Variants in SGCZ observed in about 807,000 individuals in gnomAD.
SGCZ encodes sarcoglycan zeta.
In SGCZ, 40 loss-of-function variants were observed where a neutral mutation model predicts 41.3. The observed-to-expected ratio is 0.97, with a 90% CI of 0.75 to 1.26. The LOEUF (loss-of-function observed/expected upper bound fraction) is 1.26, where lower values mean the gene tolerates loss of function less well. SGCZ is among the 50% of genes most tolerant of loss of function. The pLI, the probability that SGCZ is intolerant of heterozygous loss-of-function variation, is 0.00. For synonymous variants in SGCZ, 206 were observed against 137.5 expected (o/e 1.50, Z -3.49); for missense variants, 552 against 369.8 (o/e 1.49, Z -4.04).
intron 1 of SGCZ, among the ~76,000 whole-genome samples, chr8:14,560,126 T>A (rs1442061844): frequency 1.3e-5 from 2 of 151,958 alleles, no homozygotes; most frequent in Admixed American, 6.6e-5. Flanking sequence ...AAGGGATGAG[T>A]TCTAGCATTT....
At chr8:15,107,059 C>G (rs576690943) in intron 1 of SGCZ, among the ~76,000 whole-genome samples, 18 of 152,282 alleles carry the variant, frequency 1.2e-4, no homozygotes, top group African/African-American at 4.3e-4. Context: ...AGCCCCTCTT[C>G]ATTATATAAT....
chr8:14,198,216 ATCTCCATGCTG>A (rs1160815330), intron 4 of SGCZ, among the ~76,000 whole-genome samples: 1 of 152,178 alleles, frequency 6.6e-6, no homozygotes, highest in Non-Finnish European at 1.5e-5. Flanking sequence ...TTTGTCTAGC[ATCTCCATGCTG>A]TCTCTGCTAT....
intron 2 of SGCZ, among the ~76,000 whole-genome samples, chr8:14,437,386 C>A (rs1330358372): frequency 1.3e-5 from 2 of 151,978 alleles, no homozygotes; most frequent in African/African-American, 4.8e-5. Flanking sequence ...CTTCCTTTTC[C>A]AACTTTCTTC....
At chr8:14,135,661 G>C (rs1317752670) in intron 5 of SGCZ, among the ~76,000 whole-genome samples, 1 of 151,772 alleles carries the variant, frequency 6.6e-6, no homozygotes, top group Non-Finnish European at 1.5e-5. Flanking sequence ...ATTTGTAACT[G>C]AATTGCTTCC....
At chr8:15,126,176 A>C (rs577028378) in intron 1 of SGCZ, among the ~76,000 whole-genome samples, 14 of 152,298 alleles carry the variant, frequency 9.2e-5, no homozygotes, top group African/African-American at 3.1e-4. Context: ...CAAACAAAAA[A>C]TGATTGACTG....
At chr8:14,924,789 T>C (rs955540614) in intron 1 of SGCZ, among the ~76,000 whole-genome samples, 1 of 151,966 alleles carries the variant, frequency 6.6e-6, no homozygotes, top group Admixed American at 6.6e-5. Flanking sequence ...TAAATAGTCA[T>C]ATTAACATTA....
At position 15,083,813 on chromosome 8, in the gene SGCZ, C is replaced by G. The variant is rs188477808; in HGVS notation, c.39+153772G>C. Among the ~76,000 whole-genome samples the G allele has an allele frequency of 3.0e-4, 45 of 152,198 alleles. No individual in the cohort carries two copies. In the East Asian group the frequency reaches 8.5e-3, roughly 29 times the overall value. On this transcript the variant is annotated intron_variant, in intron 1 of 7. Coordinates refer to ENST00000382080, the MANE Select transcript of SGCZ (RefSeq NM_139167.4). ...CTCCCTACGTTCCCCAGGCTGGTCT[C>G]TAGCTCTTGGGCTCAAACAGTCTTC...
chr8:14,998,513 TCAAA>T lies in SGCZ; in HGVS notation c.39+239068_39+239071del, dbSNP rs371064979. On this transcript the variant is annotated intron_variant, in intron 1 of 7. Coordinates refer to ENST00000382080, the MANE Select transcript of SGCZ (RefSeq NM_139167.4). ...ATGCAGTGCATTTCAATTAAATCCT[TCAAA>T]CAGTTAACTTTTTCTTAAGAATCAA... Among the ~76,000 whole-genome samples, 588 of 142,204 alleles carry T rather than the reference TCAAA, an allele frequency of 4.1e-3. 4 individuals are homozygous for T. Among genetic ancestry groups the T allele is most frequent in the African/African-American group, 0.014 (564 of 38,956 alleles). 93.3% of individuals were successfully genotyped at this position (142,204 alleles called of 152,430 possible).
In SGCZ at chr8:14,555,046, A is replaced by T. The variant is rs1585075864; in HGVS notation, c.40-120T>A. On this transcript the variant is annotated intron_variant, in intron 1 of 7. Coordinates refer to ENST00000382080, the MANE Select transcript of SGCZ (RefSeq NM_139167.4). Reference sequence around the variant, plus strand: ...TACGTTAAAATAATTGGCAGTGAGCATTCAAATAACTATTGTTGTGTAATT... The same window carrying T: ...TACGTTAAAATAATTGGCAGTGAGCTTTCAAATAACTATTGTTGTGTAATT... 4.8e-6 allele frequency: 4 copies of T among 824,944 alleles called. No individual in the cohort carries two copies. In the East Asian group the frequency reaches 1.0e-4, roughly 21 times the overall value. The allele number at this position is 824,944 out of a possible 1,614,324, so 51.1% of individuals were successfully genotyped here.
intron 1 of SGCZ, among the ~76,000 whole-genome samples, chr8:15,176,268 C>T (rs1440243615): frequency 6.6e-6 from 1 of 152,084 alleles, no homozygotes; most frequent in East Asian, 1.9e-4. Context: ...ACGGAATCCT[C>T]AGTCATGGGT....
intron 1 of SGCZ, among the ~76,000 whole-genome samples, chr8:14,604,511 T>A (rs1269955819): frequency 1.3e-5 from 2 of 152,160 alleles, no homozygotes; most frequent in Admixed American, 1.3e-4. Flanking sequence ...GAGTGTCATA[T>A]CAGGTACAAT....
At chr8:14,627,130 T>C (rs1585136085) in intron 1 of SGCZ, among the ~76,000 whole-genome samples, 1 of 152,328 alleles carries the variant, frequency 6.6e-6, no homozygotes, top group Non-Finnish European at 1.5e-5. Context: ...AAATTGTTAA[T>C]ACATTTACTA....
At chr8:14,506,214 C>A (rs1007143403) in intron 2 of SGCZ, among the ~76,000 whole-genome samples, 1 of 151,828 alleles carries the variant, frequency 6.6e-6, no homozygotes, top group Non-Finnish European at 1.5e-5. Flanking sequence ...AACAAAAAAA[C>A]GATTTTCTAA....
rs187332854 is a variant in SGCZ at position 15,082,395 on chromosome 8, T to C, written c.39+155190A>G. Reference sequence around the variant, plus strand: ...TAATTAACAGATACATATATATATATACACACATATACACACACACATATA... The same window carrying C: ...TAATTAACAGATACATATATATATACACACACATATACACACACACATATA... On this transcript the variant is annotated intron_variant, in intron 1 of 7. Transcript: ENST00000382080. 3.5e-3 allele frequency among the ~76,000 whole-genome samples: 525 copies of C among 150,064 alleles called. 4 individuals carry two copies. Among genetic ancestry groups the C allele is most frequent in the Non-Finnish European group, 4.5e-3 (306 of 67,528 alleles).
At chr8:15,197,833 A>G (rs1800777081) in intron 1 of SGCZ, among the ~76,000 whole-genome samples, 1 of 151,956 alleles carries the variant, frequency 6.6e-6, no homozygotes, top group Non-Finnish European at 1.5e-5. Flanking sequence ...TCCTTTAGGT[A>G]GTAAATTATA....
intron 1 of SGCZ, among the ~76,000 whole-genome samples, chr8:15,044,063 C>T (rs1431921269): frequency 6.6e-6 from 1 of 152,126 alleles, no homozygotes; most frequent in Non-Finnish European, 1.5e-5. Context: ...AGCTTAATTG[C>T]TATCCCTGTA....
chr8:14,313,813 T>A (rs535815884), intron 3 of SGCZ, among the ~76,000 whole-genome samples: 2 of 152,318 alleles, frequency 1.3e-5, no homozygotes, highest in African/African-American at 2.4e-5. Flanking sequence ...AATAGCAATC[T>A]GAGCTGATAT....
intron 6 of SGCZ, among the ~76,000 whole-genome samples, chr8:14,103,519 A>G (rs997876154): frequency 5.9e-5 from 9 of 152,198 alleles, no homozygotes; most frequent in Non-Finnish European, 7.3e-5. Context: ...TGTTTTGCAG[A>G]AAGAACCACC....
At chr8:15,092,580 T>A (rs550202406) in intron 1 of SGCZ, among the ~76,000 whole-genome samples, 178 of 152,338 alleles carry the variant, frequency 1.2e-3, no homozygotes, top group African/African-American at 4.1e-3. Flanking sequence ...TTCTTTAAAA[T>A]CTGTTTTGTA....
Sources: allele counts gnomAD v4.1 joint callset (sites outside exome capture counted in the v4.1 genomes callset), GRCh38; gene constraint gnomAD v4.1.1; transcripts MANE v1.5; gene names NCBI Gene and HGNC (gene_info 2026-07-23, HGNC 2026-07-21).